NPAS3: variants seen among roughly 807,000 people sequenced by gnomAD.
NPAS3 encodes neuronal PAS domain protein 3.
A neutral mutation model predicts 73.1 loss-of-function variants in NPAS3; 14 were observed. The observed-to-expected ratio is 0.19, with a 90% CI of 0.13 to 0.30. The LOEUF (loss-of-function observed/expected upper bound fraction) is 0.30, where lower values mean the gene tolerates loss of function less well. Among genes scored for constraint, NPAS3 ranks in the 10% least tolerant of loss-of-function variants. The pLI is 1.00. For missense variants in NPAS3, 1,096 were observed against 1,250.0 expected (o/e 0.88, Z 1.86); for synonymous variants, 620 against 541.5 (o/e 1.14, Z -2.01).
intron 2 of NPAS3, among the ~76,000 whole-genome samples, chr14:33,207,539 C>A (rs2046877223): frequency 6.6e-6 from 1 of 152,144 alleles, no homozygotes; most frequent in African/African-American, 2.4e-5. Flanking sequence ...CTCAAGAATT[C>A]TTTTTAATGT....
At chr14:33,070,796 T>C (rs542392385) in intron 2 of NPAS3, among the ~76,000 whole-genome samples, 75 of 152,342 alleles carry the variant, frequency 4.9e-4, no homozygotes, top group African/African-American at 1.8e-3. Context: ...ACAATATTCA[T>C]GCAAAATATT....
In NPAS3 at chr14:33,725,029, G is replaced by A. The variant is rs183473694; in HGVS notation, c.734-10185G>A. Among the ~76,000 whole-genome samples, 15 of 152,078 alleles carry A rather than the reference G, an allele frequency of 9.9e-5. No individual in the cohort carries two copies. The East Asian group carries it at 1.2e-3, about 12-fold the overall frequency. ...GTGTTTGAAAGTGATGTAATAATAC[G>A]GACAAATACAGATACTGTAATGTTC... On this transcript the variant is annotated intron_variant, in intron 6 of 11. Transcript: ENST00000356141.
intron 4 of NPAS3, among the ~76,000 whole-genome samples, chr14:33,412,847 A>G (rs2047987639): frequency 6.6e-6 from 1 of 152,196 alleles, no homozygotes; most frequent in African/African-American, 2.4e-5. Flanking sequence ...TGCTCATTCA[A>G]TAAATGTTTA....
At chr14:33,137,825 C>A (rs985789516) in intron 2 of NPAS3, among the ~76,000 whole-genome samples, 1 of 151,956 alleles carries the variant, frequency 6.6e-6, no homozygotes, top group African/African-American at 2.4e-5. Context: ...AATATGAATC[C>A]CAAGTTTGGG....
At chr14:33,632,791 T>G (rs2058417491) in intron 5 of NPAS3, among the ~76,000 whole-genome samples, 1 of 152,214 alleles carries the variant, frequency 6.6e-6, no homozygotes, top group Non-Finnish European at 1.5e-5. Context: ...CAAACTAATG[T>G]GCTGAAAACT....
intron 6 of NPAS3, among the ~76,000 whole-genome samples, chr14:33,720,803 G>A (rs1224140957): frequency 6.6e-6 from 1 of 152,034 alleles, no homozygotes; most frequent in Non-Finnish European, 1.5e-5. Context: ...TTTGTCTCAG[G>A]CTGATTCTGA....
chr14:33,541,753 C>A (rs1200837438), intron 4 of NPAS3, among the ~76,000 whole-genome samples: 2 of 152,138 alleles, frequency 1.3e-5, no homozygotes, highest in South Asian at 4.1e-4. Flanking sequence ...GTCCATAAGA[C>A]CCTCCAATGC....
intron 4 of NPAS3, among the ~76,000 whole-genome samples, chr14:33,490,985 G>GCAA (rs2051867245): frequency 6.6e-6 from 1 of 152,176 alleles, no homozygotes; most frequent in Admixed American, 6.5e-5. Context: ...AGCAGCAGCA[G>GCAA]CAACAGCAAC....
chr14:32,943,699 T>C lies in NPAS3; in HGVS notation c.50+4333T>C, dbSNP rs1160700846. ...CTTTATTTCTTTTCTTTTTCTTTTT[T>C]TTTTTTTTTTTAGACAGAGTCTTGC... On this transcript the variant is annotated intron_variant, in intron 1 of 11. Coordinates refer to ENST00000356141, the Ensembl canonical transcript of NPAS3. 9.3e-5 allele frequency among the ~76,000 whole-genome samples: 14 copies of C among 150,348 alleles called. 1 individual carries two copies. The highest frequency in any genetic ancestry group is 2.7e-4 in the African/African-American group (11 of 41,104).
intron 4 of NPAS3, among the ~76,000 whole-genome samples, chr14:33,497,249 A>G (rs1333897739): frequency 6.6e-6 from 1 of 152,192 alleles, no homozygotes; most frequent in African/African-American, 2.4e-5. Flanking sequence ...GGAAGAATCA[A>G]TATCATGAAA....
intron 6 of NPAS3, among the ~76,000 whole-genome samples, chr14:33,705,650 A>G (rs1347843966): frequency 6.6e-6 from 1 of 152,218 alleles, no homozygotes; most frequent in Non-Finnish European, 1.5e-5. Context: ...TGTTCCTTAG[A>G]TACAAGCCAC....
chr14:33,374,638 T>C (rs965007780), intron 4 of NPAS3, among the ~76,000 whole-genome samples: 1 of 145,088 alleles, frequency 6.9e-6, no homozygotes, highest in Non-Finnish European at 1.5e-5. Flanking sequence ...AAGATTCTGC[T>C]GGGGAAAATA....
At chr14:32,973,168 A>G (rs901625341) in intron 1 of NPAS3, among the ~76,000 whole-genome samples, 4 of 152,354 alleles carry the variant, frequency 2.6e-5, no homozygotes, top group Admixed American at 1.3e-4. Context: ...TCTAAGAAAG[A>G]GAAGACTCTA....
At position 33,724,596 on chromosome 14, in the gene NPAS3, G is replaced by A. The variant is rs140540760; in HGVS notation, c.734-10618G>A. Among the ~76,000 whole-genome samples the A allele has an allele frequency of 3.4e-3, 525 of 152,234 alleles. 3 individuals are homozygous for A. The highest frequency in any genetic ancestry group is 0.012 in the African/African-American group (484 of 41,550). ...TACAGCTAGCTGTGATTGTACCACT[G>A]CACTCTTGCCTGAGTGACAGAGTGA... is the stretch of plus-strand genomic sequence containing the variant. On this transcript the variant is annotated intron_variant, in intron 6 of 11. Coordinates refer to ENST00000356141, the Ensembl canonical transcript of NPAS3.
chr14:33,478,768 C>T (rs538159883), intron 4 of NPAS3, among the ~76,000 whole-genome samples: 6 of 152,150 alleles, frequency 3.9e-5, no homozygotes, highest in African/African-American at 7.2e-5. Context: ...TATTTGGAAA[C>T]GGCACACTGG....
chr14:33,618,123 T>G (rs2057974965), intron 5 of NPAS3, among the ~76,000 whole-genome samples: 1 of 152,172 alleles, frequency 6.6e-6, no homozygotes, highest in Admixed American at 6.5e-5. Flanking sequence ...TCAAATCTTG[T>G]TCTGTACATG....
At chr14:33,055,664 TA>T (rs531313481) in intron 1 of NPAS3, among the ~76,000 whole-genome samples, 40 of 145,646 alleles carry the variant, frequency 2.7e-4, no homozygotes, top group Non-Finnish European at 3.3e-4. Context: ...CTCTGAGATT[TA>T]AAAAAAAAAA....
chr14:33,567,445 A>T (rs769897746), intron 5 of NPAS3, among the ~76,000 whole-genome samples: 2 of 152,204 alleles, frequency 1.3e-5, no homozygotes, highest in Non-Finnish European at 2.9e-5. Context: ...CTGAAAATTG[A>T]TGCCTTTTTT....
chr14:33,064,706 G>A (rs2041221131), intron 2 of NPAS3, among the ~76,000 whole-genome samples: 1 of 152,102 alleles, frequency 6.6e-6, no homozygotes, highest in South Asian at 2.1e-4. Flanking sequence ...AGAAAACACA[G>A]GTAAGCATAA....
Sources: gnomAD v4.1 joint callset for allele counts (sites outside exome capture counted in the v4.1 genomes callset) on GRCh38, gnomAD v4.1.1 for gene constraint, MANE v1.5 for transcripts, NCBI Gene and HGNC (gene_info 2026-07-23, HGNC 2026-07-21) for gene names.